The following CDK15 variants were observed in gnomAD, a reference collection of about 807,000 sequenced individuals.
The protein encoded by CDK15 is cyclin-dependent kinase 15.
In CDK15, 62 loss-of-function variants were observed where a neutral mutation model predicts 60.3. The ratio of observed to expected loss-of-function variants is 1.03; its 90% CI spans 0.84 to 1.27. The LOEUF (loss-of-function observed/expected upper bound fraction) is 1.27, where lower values mean the gene tolerates loss of function less well. Ranked by LOEUF, CDK15 falls within the 50% of genes most tolerant of loss-of-function variation. CDK15 has a pLI of 0.00. For missense variants in CDK15, 541 were observed against 527.8 expected, an observed-to-expected ratio of 1.03 and a Z score of -0.25; for synonymous variants, 194 against 195.7, an observed-to-expected ratio of 0.99 and a Z score of 0.07.
intron 8 of CDK15, among the ~76,000 whole-genome samples, chr2:201,843,785 C>T (rs1294795132): frequency 6.6e-6 from 1 of 152,164 alleles, no homozygotes; most frequent in Non-Finnish European, 1.5e-5. Context: ...ATCTCTGGAA[C>T]ACAAACATCT....
chr2:201,867,326 T>C (rs1698671048), intron 10 of CDK15, among the ~76,000 whole-genome samples: 1 of 152,118 alleles, frequency 6.6e-6, no homozygotes, highest in Admixed American at 6.5e-5. Flanking sequence ...CTGGAGACCA[T>C]TGAAGACATA....
intron 10 of CDK15, among the ~76,000 whole-genome samples, chr2:201,870,311 A>T (rs1486642368): frequency 6.6e-6 from 1 of 152,214 alleles, no homozygotes; most frequent in East Asian, 1.9e-4. Flanking sequence ...TGAACAGATG[A>T]GTATTATCAA....
rs767334097 is a variant in CDK15, at chr2:201,880,057, T to G, written c.1088T>G (p.Leu363Arg). 1.5e-5 allele frequency: 25 copies of G among 1,614,042 alleles called. No homozygotes were observed. The highest frequency in any genetic ancestry group is 1.8e-5 in the Non-Finnish European group (21 of 1,180,014). The change falls in exon 12 of 14, where the codon CTG becomes CGG. Residue 363 changes from leucine to arginine, a missense_variant. Leu to Arg is a moderately radical substitution (Grantham distance 102). Transcript: ENST00000652192. ...GGCAGGGTTCCTGAAGCTGAAGACC[T>G]GGCCTCCCAGATGCTAAAAGGCTTT... is the stretch of plus-strand genomic sequence containing the variant. ...RLGRVPEAED[L>R]ASQMLKGFPR...
chr2:201,807,834 CT>C (rs1195313767), intron 2 of CDK15, 23 bp from the exon 3 acceptor site: 2 of 1,592,808 alleles, frequency 1.3e-6, no homozygotes, highest in Non-Finnish European at 1.7e-6. Flanking sequence ...TCACCCGCTC[CT>C]TTTCCCCATT....
intron 12 of CDK15, among the ~76,000 whole-genome samples, chr2:201,884,658 C>G (rs1296881981): frequency 6.6e-6 from 1 of 152,196 alleles, no homozygotes; most frequent in Admixed American, 6.5e-5. Flanking sequence ...AATACAAATT[C>G]TGTTTCTCCC....
chr2:201,880,260 C>G, intron 12 of CDK15, 93 bp downstream of exon 12: 2 of 1,435,642 alleles, frequency 1.4e-6, no homozygotes, highest in Non-Finnish European at 1.9e-6. Context: ...GCCTCAGCAC[C>G]GGAGAATCAT....
chr2:201,807,830 G>A (rs1260412624), intron 2 of CDK15, 28 bp from the exon 3 acceptor site: 3 of 1,587,450 alleles, frequency 1.9e-6, no homozygotes, highest in African/African-American at 1.4e-5. Context: ...CCTTTCACCC[G>A]CTCCTTTTCC....
chr2:201,846,123 A>G (rs1697652634), intron 8 of CDK15, among the ~76,000 whole-genome samples: 1 of 152,114 alleles, frequency 6.6e-6, no homozygotes, highest in Non-Finnish European at 1.5e-5. Flanking sequence ...GCATCTAACA[A>G]TATAAGTCAG....
At chr2:201,851,291 C>CAAAAAAA (rs1176883047) in intron 9 of CDK15, among the ~76,000 whole-genome samples, 2 of 27,762 alleles carry the variant, frequency 7.2e-5, no homozygotes, top group African/African-American at 1.8e-4. Flanking sequence ...GACTTCATCT[C>CAAAAAAA]AAAAAAAAAA....
chr2:201,853,060 G>T (rs552721046), intron 9 of CDK15, among the ~76,000 whole-genome samples: 2 of 152,202 alleles, frequency 1.3e-5, no homozygotes, highest in South Asian at 4.1e-4. Flanking sequence ...AGGATGTATG[G>T]GTACATGTGA....
chr2:201,856,225 A>G (rs1298963112), intron 10 of CDK15, among the ~76,000 whole-genome samples: 1 of 152,184 alleles, frequency 6.6e-6, no homozygotes, highest in African/African-American at 2.4e-5. Context: ...AGAAGAGAAT[A>G]AAATACATAG....
intron 9 of CDK15, among the ~76,000 whole-genome samples, chr2:201,851,813 C>T (rs1431913947): frequency 6.6e-6 from 1 of 152,062 alleles, no homozygotes; most frequent in Non-Finnish European, 1.5e-5. Context: ...GTGTGCACTA[C>T]CACACCCAGC....
rs545754617 is a variant in CDK15, at chr2:201,853,187, T to C, written c.946-1687T>C. ...TCCCACAAAAGAAGAATTAGTCCAG[T>C]TGGTTTTTCAAAATGGATTCCAGGA... On this transcript the variant is annotated intron_variant, in intron 9 of 13. Coordinates refer to ENST00000652192, the MANE Select transcript of CDK15 (RefSeq NM_001366386.2). Among the ~76,000 whole-genome samples the C allele has an allele frequency of 3.9e-5, 6 of 152,286 alleles. No homozygotes were observed. In the South Asian group the frequency reaches 1.2e-3, roughly 32 times the overall value.
At chr2:201,836,193 A>T (rs1373060715) in intron 8 of CDK15, among the ~76,000 whole-genome samples, 10 of 122,406 alleles carry the variant, frequency 8.2e-5, no homozygotes, top group South Asian at 2.3e-4. Context: ...ATATTTTTTT[A>T]TATATATATA....
At chr2:201,886,670 A>G (rs1395898579) in intron 12 of CDK15, among the ~76,000 whole-genome samples, 1 of 152,120 alleles carries the variant, frequency 6.6e-6, no homozygotes, top group East Asian at 1.9e-4. Flanking sequence ...TTCACCTGTG[A>G]CTCATTCAGT....
chr2:201,854,945 T>A lies in CDK15; in HGVS notation c.1009+8T>A. 1 of 1,613,060 alleles carries A rather than the reference T, an allele frequency of 6.2e-7. No individual in the cohort carries two copies. The highest frequency in any genetic ancestry group is 1.1e-5 in the South Asian group (1 of 91,032). ...TACCTAACTACAATCCAGGTAATAT[T>A]GATCTGAGCTTCTGAATACTCTGAG... On this transcript the variant is annotated splice_region_variant and intron_variant, in intron 10 of 13. Transcript: ENST00000652192.
Position 201,806,759 on chromosome 2 carries a change from A to G in CDK15, c.95A>G (p.Gln32Arg). The change falls in exon 1 of 14, where the codon CAG becomes CGG. Residue 32 changes from glutamine to arginine, a missense_variant. Gln to Arg is a conservative substitution (Grantham distance 43). Transcript: ENST00000652192. Reference protein sequence around the residue: ...GGEAHSCRRSQPETTEAAFKL... With the variant: ...GGEAHSCRRSRPETTEAAFKL... ...GAGGCACACAGCTGTCGGAGGAGTC[A>G]GCCTGAGACCACGGAGGCTGCGTTC... The G allele has an allele frequency of 3.1e-6, 5 of 1,598,572 alleles. No individual in the cohort carries two copies. The highest frequency in any genetic ancestry group is 4.2e-6 in the Non-Finnish European group (5 of 1,179,710).
At position 201,847,382 on chromosome 2, in the gene CDK15, G is replaced by A. The variant is rs760638025; in HGVS notation, c.853G>A (p.Gly285Ser). The A allele has an allele frequency of 1.2e-6, 2 of 1,613,408 alleles. No homozygotes were observed. The highest frequency in any genetic ancestry group is 2.7e-5 in the African/African-American group (2 of 74,976). ...TEYSSELDIWGAGCIFIEMFQ... is the reference protein window; with the variant it reads ...TEYSSELDIWSAGCIFIEMFQ... ...ATTTACTCTTATTTCATTTGCTAGG[G>A]GTGCAGGCTGCATCTTTATTGAAAT... is the stretch of plus-strand genomic sequence containing the variant. Residue 285 changes from glycine to serine, a missense_variant and splice_region_variant, in exon 9 of 14, where the codon GGT (glycine) becomes AGT (serine). Coordinates refer to ENST00000652192, the MANE Select transcript of CDK15 (RefSeq NM_001366386.2).
intron 8 of CDK15, among the ~76,000 whole-genome samples, chr2:201,846,021 G>T (rs1697646195): frequency 6.6e-6 from 1 of 151,910 alleles, no homozygotes; most frequent in African/African-American, 2.4e-5. Context: ...CCTTCAGCTT[G>T]ACCATGTATG....
Sources: gnomAD v4.1 joint callset for allele counts (sites outside exome capture counted in the v4.1 genomes callset) on GRCh38, gnomAD v4.1.1 for gene constraint, MANE v1.5 for transcripts, NCBI Gene and HGNC (gene_info 2026-07-23, HGNC 2026-07-21) for gene names.